Variants in ATP10A observed in about 807,000 individuals in gnomAD.
ATP10A encodes the protein ATPase phospholipid transporting 10A (putative), also known as phospholipid-transporting ATPase VA.
A neutral mutation model predicts 147.8 loss-of-function variants in ATP10A; 111 were observed. The ratio of observed to expected loss-of-function variants is 0.75; its 90% confidence interval spans 0.64 to 0.88. ATP10A has a LOEUF of 0.88. ATP10A is among the 40% of genes least tolerant of loss of function. ATP10A has a pLI of 0.00. For synonymous variants in ATP10A, 875 were observed against 841.6 expected (o/e 1.04, Z -0.69); for missense variants, 1,927 against 1,959.0 (o/e 0.98, Z 0.31).
Position 25,687,768 on chromosome 15 carries a change from G to T in ATP10A, c.3226C>A (p.Leu1076Ile). 7.4e-6 allele frequency: 12 copies of T among 1,613,678 alleles called. No individual in the cohort carries two copies. The highest frequency in any genetic ancestry group is 1.0e-5 in the Non-Finnish European group (12 of 1,179,678). The change falls in exon 16 of 21, where the codon CTT becomes ATT. Residue 1076 changes from leucine (L) to isoleucine (I), a missense_variant. Physicochemically the swap from Leu to Ile is conservative, Grantham distance 5. Transcript: ENST00000555815. ...KFRYLERLLI[L>I]HGHWCYSRLA... ...CGGGAGTAGCACCAATGCCCGTGAA[G>T]AATCAAGAGCCTCTCCAGGTATCGG...
At chr15:25,860,307 G>C (rs534296903) in intron 1 of ATP10A, among the ~76,000 whole-genome samples, 1 of 152,154 alleles carries the variant, frequency 6.6e-6, no homozygotes, top group South Asian at 2.1e-4. Flanking sequence ...CCAGACTCTT[G>C]TCCTGCACTG....
intron 2 of ATP10A, among the ~76,000 whole-genome samples, chr15:25,757,773 T>C (rs1386789312): frequency 6.6e-6 from 1 of 152,246 alleles, no homozygotes; most frequent in Non-Finnish European, 1.5e-5. Flanking sequence ...TTCTTTGCCT[T>C]CTACTTCTAA....
chr15:25,695,273 G>A, intron 13 of ATP10A, 127 bp from the exon 14 acceptor site: 2 of 832,860 alleles, frequency 2.4e-6, no homozygotes, highest in South Asian at 1.8e-5. Context: ...CCTGCCCAGA[G>A]GCCACCCTCC....
chr15:25,855,485 A>G (rs911601984), intron 1 of ATP10A, among the ~76,000 whole-genome samples: 1 of 152,016 alleles, frequency 6.6e-6, no homozygotes, highest in Admixed American at 6.6e-5. Context: ...GAAATTCCTC[A>G]ACCTGATAAA....
intron 1 of ATP10A, among the ~76,000 whole-genome samples, chr15:25,846,816 T>C (rs1893043832): frequency 6.6e-6 from 1 of 152,214 alleles, no homozygotes; most frequent in Non-Finnish European, 1.5e-5. Context: ...CTACCACCTT[T>C]GTTTGTAATT....
At chr15:25,851,151 A>G (rs762142562) in intron 1 of ATP10A, among the ~76,000 whole-genome samples, 1 of 152,098 alleles carries the variant, frequency 6.6e-6, no homozygotes, top group Non-Finnish European at 1.5e-5. Flanking sequence ...GAAAAGTCCT[A>G]GATTACTATA....
intron 1 of ATP10A, among the ~76,000 whole-genome samples, chr15:25,786,252 C>T (rs920004311): frequency 1.1e-4 from 17 of 152,310 alleles, no homozygotes; most frequent in African/African-American, 3.4e-4. Context: ...TGCCTGCCAC[C>T]CCAGCCAGCA....
chr15:25,778,290 C>T (rs951314389), intron 2 of ATP10A, among the ~76,000 whole-genome samples: 1 of 152,150 alleles, frequency 6.6e-6, no homozygotes, highest in East Asian at 1.9e-4. Context: ...CTGTCTGAGA[C>T]AAGCTAACTC....
rs545334001 is a variant in ATP10A, at chr15:25,839,945, A to G, written c.449+22703T>C. On this transcript the variant is annotated intron_variant, in intron 1 of 20. Coordinates refer to ENST00000555815, the MANE Select transcript of ATP10A (RefSeq NM_024490.4). ...CGTGTGCGTGTGTGTGCGCATGTGC[A>G]TCTGTGCAGTTTCTCAACCACAACC... 9.9e-5 allele frequency among the ~76,000 whole-genome samples: 15 copies of G among 152,244 alleles called. No homozygotes were observed. In the South Asian group the frequency reaches 2.7e-3, roughly 27 times the overall value.
intron 16 of ATP10A, among the ~76,000 whole-genome samples, chr15:25,687,170 G>A (rs1424322480): frequency 4.2e-5 from 2 of 47,884 alleles, no homozygotes; most frequent in Non-Finnish European, 3.2e-5. Context: ...ATCAGAGTGA[G>A]GCTAAGTTCC....
At chr15:25,766,133 C>G (rs1889012324) in intron 2 of ATP10A, among the ~76,000 whole-genome samples, 1 of 152,296 alleles carries the variant, frequency 6.6e-6, no homozygotes, top group South Asian at 2.1e-4. Flanking sequence ...GTGGAAACCC[C>G]TCATAAACCC....
At chr15:25,836,402 A>T (rs1892597535) in intron 1 of ATP10A, among the ~76,000 whole-genome samples, 1 of 152,040 alleles carries the variant, frequency 6.6e-6, no homozygotes, top group Non-Finnish European at 1.5e-5. Context: ...CAACCATCCT[A>T]CAGGTCCAGC....
At chr15:25,812,701 A>G (rs1028538710) in intron 1 of ATP10A, among the ~76,000 whole-genome samples, 1 of 152,226 alleles carries the variant, frequency 6.6e-6, no homozygotes, top group Non-Finnish European at 1.5e-5. Context: ...AGGGGAATAC[A>G]GTATTCTGAA....
intron 2 of ATP10A, among the ~76,000 whole-genome samples, chr15:25,762,296 T>C (rs963426397): frequency 4.7e-4 from 72 of 152,332 alleles, no homozygotes; most frequent in African/African-American, 1.7e-3. Flanking sequence ...GGTATGTTTT[T>C]ATTAGCAGTC....
intron 13 of ATP10A, among the ~76,000 whole-genome samples, chr15:25,697,172 A>T (rs1049064298): frequency 6.6e-6 from 1 of 152,220 alleles, no homozygotes; most frequent in Non-Finnish European, 1.5e-5. Flanking sequence ...TGAGAGGCAA[A>T]CTCTGCAACA....
chr15:25,683,602 C>T (rs1266893982), intron 16 of ATP10A, 116 bp from the exon 17 acceptor site: 1 of 1,033,140 alleles, frequency 9.7e-7, no homozygotes, highest in African/African-American at 1.6e-5. Context: ...AATGTATTGG[C>T]AGCGATTTCT....
At chr15:25,790,109 A>G (rs1183182670) in intron 1 of ATP10A, among the ~76,000 whole-genome samples, 2 of 152,230 alleles carry the variant, frequency 1.3e-5, no homozygotes, top group African/African-American at 4.8e-5. Flanking sequence ...CATAACGCCC[A>G]GAATGTGTCT....
chr15:25,817,388 C>A (rs1387328711), intron 1 of ATP10A, among the ~76,000 whole-genome samples: 1 of 152,156 alleles, frequency 6.6e-6, no homozygotes, highest in Non-Finnish European at 1.5e-5. Flanking sequence ...CAGCCTCTCT[C>A]TCTAACAATG....
chr15:25,832,593 T>C (rs1892406781), intron 1 of ATP10A, among the ~76,000 whole-genome samples: 1 of 152,162 alleles, frequency 6.6e-6, no homozygotes, highest in Non-Finnish European at 1.5e-5. Flanking sequence ...ACATTTCCTT[T>C]TTTGAATACA....
Sources: gnomAD v4.1 joint callset for allele counts (sites outside exome capture counted in the v4.1 genomes callset) on GRCh38, gnomAD v4.1.1 for gene constraint, MANE v1.5 for transcripts, NCBI Gene and HGNC (gene_info 2026-07-23, HGNC 2026-07-21) for gene names.